DOCK8: variants seen among roughly 807,000 people sequenced by gnomAD.
The protein encoded by DOCK8 is dedicator of cytokinesis protein 8.
DOCK8 carries 141 observed loss-of-function variants against 245.6 expected under a neutral mutation model. The observed-to-expected ratio is 0.57, with a 90% CI of 0.50 to 0.66. The LOEUF is 0.66. Among genes scored for constraint, DOCK8 ranks in the 30% least tolerant of loss-of-function variants. The probability of loss-of-function intolerance (pLI) is 0.00; values close to 1 mark genes in which losing one functional copy is unlikely to be tolerated. For synonymous variants in DOCK8, 1,168 were observed against 970.2 expected (o/e 1.20, Z -3.79); for missense variants, 2,965 against 2,603.4 (o/e 1.14, Z -3.02).
At chr9:427,712 A>T (rs1190539944) in intron 34 of DOCK8, among the ~76,000 whole-genome samples, 2 of 152,236 alleles carry the variant, frequency 1.3e-5, no homozygotes, top group African/African-American at 4.8e-5. Flanking sequence ...TTAATTCTCT[A>T]ACTTTTGAAT....
chr9:324,066 A>G (rs1276474031), intron 7 of DOCK8, among the ~76,000 whole-genome samples: 3 of 152,272 alleles, frequency 2.0e-5, no homozygotes, highest in Non-Finnish European at 4.4e-5. Flanking sequence ...CTTATTTTGC[A>G]GATAAATAAA....
At chr9:404,060 T>A (rs5028074) in intron 26 of DOCK8, among the ~76,000 whole-genome samples, 1 of 145,916 alleles carries the variant, frequency 6.9e-6, no homozygotes, top group African/African-American at 2.6e-5. Context: ...GAGGCATGTC[T>A]ATCACAAGGA....
At chr9:351,773 T>C (rs142425402) in intron 14 of DOCK8, among the ~76,000 whole-genome samples, 55 of 152,342 alleles carry the variant, frequency 3.6e-4, no homozygotes, top group Middle Eastern at 3.4e-3. Context: ...TGATGCTTTC[T>C]GGTTAAAGAT....
intron 26 of DOCK8, among the ~76,000 whole-genome samples, chr9:403,856 G>GTATC (rs2055227216): frequency 2.4e-5 from 2 of 84,916 alleles, no homozygotes; most frequent in African/African-American, 4.2e-5. Context: ...GCAAGACTCT[G>GTATC]TATCTCTCTC....
chr9:326,135 C>G (rs2130810641), intron 8 of DOCK8, among the ~76,000 whole-genome samples: 1 of 152,308 alleles, frequency 6.6e-6, no homozygotes, highest in East Asian at 1.9e-4. Flanking sequence ...GTAGAGGTCT[C>G]AATTTGTCAC....
chr9:443,381 A>C (rs765624881), intron 42 of DOCK8, 46 bp from the exon 43 acceptor site: 2 of 1,550,730 alleles, frequency 1.3e-6, no homozygotes, highest in South Asian at 2.2e-5. Context: ...AAAGAGTTGC[A>C]TTATGTTAAA....
intron 39 of DOCK8, among the ~76,000 whole-genome samples, chr9:438,509 T>C (rs1175148743): frequency 6.6e-6 from 1 of 152,226 alleles, no homozygotes; most frequent in African/African-American, 2.4e-5. Flanking sequence ...GGGCCAGTGC[T>C]AGGGTGAAGA....
rs1389176615 is a variant in DOCK8, at chr9:399,264, G to A, written c.3234+5G>A. ...ATCAGACATTATTGCAGCCAGGTGAGTGTCCCCCCCACCCCCACCCCCGAG... is the reference window on the plus strand; with the variant it reads ...ATCAGACATTATTGCAGCCAGGTGAATGTCCCCCCCACCCCCACCCCCGAG... On this transcript the variant is annotated splice_donor_5th_base_variant and intron_variant, in intron 26 of 47. Coordinates refer to ENST00000432829, the MANE Select transcript of DOCK8 (RefSeq NM_203447.4). 3 of 1,599,600 alleles carry A rather than the reference G, an allele frequency of 1.9e-6. No individual in the cohort carries two copies. The highest frequency in any genetic ancestry group is 2.6e-6 in the Non-Finnish European group (3 of 1,173,956).
At chr9:423,323 A>T (rs1339509244) in intron 33 of DOCK8, among the ~76,000 whole-genome samples, 1 of 152,200 alleles carries the variant, frequency 6.6e-6, no homozygotes, top group Non-Finnish European at 1.5e-5. Flanking sequence ...TATATGTTTG[A>T]CTAGATAGCA....
At chr9:443,549 G>A (rs774740442) in intron 43 of DOCK8, 33 bp downstream of exon 43, 3 of 1,542,234 alleles carry the variant, frequency 1.9e-6, no homozygotes, top group South Asian at 1.1e-5. Flanking sequence ...TAACCATCAA[G>A]CTCTAAATCC....
In DOCK8 at chr9:400,950, C is replaced by G. The variant is rs1281745040; in HGVS notation, c.3234+1691C>G. Among the ~76,000 whole-genome samples, 148 of 68,806 alleles carry G rather than the reference C, an allele frequency of 2.2e-3. 57 individuals carry two copies. The African/African-American group carries it at 0.05, about 23-fold the overall frequency. The allele number at this position is 68,806 out of a possible 152,430, so 45.1% of individuals were successfully genotyped here. A position where few individuals can be genotyped will look rare whatever the true frequency, so the allele number is the denominator to read the frequency against. The stretch of plus-strand genomic sequence containing the variant: ...ACCACAACATCCACCACCACCATCA[C>G]CACCACCACCACCACCTCCTCCACC... On this transcript the variant is annotated intron_variant, in intron 26 of 47. Coordinates refer to ENST00000432829, the MANE Select transcript of DOCK8 (RefSeq NM_203447.4).
intron 24 of DOCK8, among the ~76,000 whole-genome samples, chr9:395,560 A>G (rs2054411290): frequency 6.6e-6 from 1 of 150,902 alleles, no homozygotes; most frequent in Non-Finnish European, 1.5e-5. Context: ...TAGTAGTAGT[A>G]GTAGTATTGC....
At chr9:231,267 G>T (rs1390529337) in intron 1 of DOCK8, among the ~76,000 whole-genome samples, 3 of 152,162 alleles carry the variant, frequency 2.0e-5, no homozygotes, top group African/African-American at 7.2e-5. Flanking sequence ...CTGTATCTCT[G>T]TTTTGGTACC....
chr9:400,784 T>TCCA (rs1350180202), intron 26 of DOCK8, among the ~76,000 whole-genome samples: 1 of 26,028 alleles, frequency 3.8e-5, no homozygotes. Flanking sequence ...CACCACCACC[T>TCCA]CCACCATCAC....
chr9:237,034 G>A (rs891608460), intron 1 of DOCK8, among the ~76,000 whole-genome samples: 1 of 152,206 alleles, frequency 6.6e-6, no homozygotes, highest in Non-Finnish European at 1.5e-5. Context: ...CTTCCAGCAG[G>A]AACACTTCAC....
At chr9:216,664 A>T (rs1229063452) in intron 1 of DOCK8, among the ~76,000 whole-genome samples, 1 of 151,990 alleles carries the variant, frequency 6.6e-6, no homozygotes, top group Admixed American at 6.6e-5. Flanking sequence ...CAAGGAGTAT[A>T]GGGAATCAAA....
chr9:300,877 T>C (rs2049511370), intron 4 of DOCK8, among the ~76,000 whole-genome samples: 1 of 152,080 alleles, frequency 6.6e-6, no homozygotes, highest in Non-Finnish European at 1.5e-5. Context: ...AAAAAGCCCT[T>C]AATCAGATGG....
Position 464,306 on chromosome 9 carries a change from C to T in DOCK8, c.*87C>T, listed in dbSNP as rs2057905903. The T allele has an allele frequency of 9.1e-7, 1 of 1,100,488 alleles. No homozygotes were observed. The highest frequency in any genetic ancestry group is 1.4e-6 in the Non-Finnish European group (1 of 712,124). 68.2% of individuals were successfully genotyped at this position (1,100,488 alleles called of 1,614,324 possible). ...ACTTAAAAAATGGGACATTTGCCAC[C>T]CAGGACTGACTGTACACTCCCTGAT... On this transcript the variant is annotated 3_prime_UTR_variant, in exon 48 of 48. Transcript: ENST00000432829.
At position 257,059 on chromosome 9, in the gene DOCK8, A is replaced by C. The variant is rs577723622; in HGVS notation, c.54-14568A>C. On this transcript the variant is annotated intron_variant, in intron 1 of 47. Transcript: ENST00000432829. ...AGAGCTTTTTCTTAAAGTAAATAACAGTCAACAATTAATAGCTTCATAACT... is the reference window on the plus strand; with the variant it reads ...AGAGCTTTTTCTTAAAGTAAATAACCGTCAACAATTAATAGCTTCATAACT... Among the ~76,000 whole-genome samples the C allele has an allele frequency of 7.2e-5, 11 of 152,236 alleles. 1 individual carries two copies. Among genetic ancestry groups the C allele is most frequent in the Admixed American group, 6.5e-5 (1 of 15,286 alleles).
Sources: gnomAD v4.1 joint callset for allele counts (sites outside exome capture counted in the v4.1 genomes callset) on GRCh38, gnomAD v4.1.1 for gene constraint, MANE v1.5 for transcripts, NCBI Gene and HGNC (gene_info 2026-07-23, HGNC 2026-07-21) for gene names.